KCNH8: variants seen among roughly 807,000 people sequenced by gnomAD.
KCNH8 encodes the protein voltage-gated delayed rectifier potassium channel KCNH8.
Under a neutral mutation model 103.6 loss-of-function variants are expected in KCNH8, and 70 were observed. The observed-to-expected ratio is 0.68, with a 90% CI of 0.56 to 0.82. KCNH8 has a LOEUF of 0.82. KCNH8 is among the 40% of genes least tolerant of loss of function. The probability of loss-of-function intolerance (pLI) is 0.00; values close to 1 mark genes in which losing one functional copy is unlikely to be tolerated. For missense variants in KCNH8, 1,217 were observed against 1,329.9 expected (o/e 0.92, Z 1.32); for synonymous variants, 498 against 489.4 (o/e 1.02, Z -0.23).
intron 10 of KCNH8, among the ~76,000 whole-genome samples, chr3:19,455,641 T>C (rs891680862): frequency 6.6e-6 from 1 of 152,060 alleles, no homozygotes; most frequent in African/African-American, 2.4e-5. Flanking sequence ...AGTACCTGCT[T>C]GCCAGGACTC....
At chr3:19,476,803 C>T (rs1435881629) in intron 11 of KCNH8, among the ~76,000 whole-genome samples, 1 of 152,154 alleles carries the variant, frequency 6.6e-6, no homozygotes, top group Non-Finnish European at 1.5e-5. Context: ...CTCTTTCCCT[C>T]AAAATCATCC....
intron 8 of KCNH8, among the ~76,000 whole-genome samples, chr3:19,446,684 T>C (rs573870505): frequency 1.3e-4 from 19 of 151,904 alleles, no homozygotes; most frequent in East Asian, 7.8e-4. Context: ...CACCCCCTAC[T>C]TAGCCTCCAA....
At chr3:19,322,228 T>C (rs543882279) in intron 3 of KCNH8, among the ~76,000 whole-genome samples, 19 of 152,316 alleles carry the variant, frequency 1.2e-4, no homozygotes, top group Non-Finnish European at 2.4e-4. Flanking sequence ...CTATTCATTG[T>C]GCTATTTGTT....
chr3:19,462,348 A>G (rs2067648408), intron 11 of KCNH8, among the ~76,000 whole-genome samples: 1 of 152,122 alleles, frequency 6.6e-6, no homozygotes. Flanking sequence ...CTGGTGTGAG[A>G]TGGTATCTCA....
chr3:19,210,010 G>A (rs2063754573), intron 1 of KCNH8, among the ~76,000 whole-genome samples: 1 of 152,076 alleles, frequency 6.6e-6, no homozygotes, highest in Non-Finnish European at 1.5e-5. Flanking sequence ...TTTGCCAAAA[G>A]TCACTGAGTG....
intron 11 of KCNH8, among the ~76,000 whole-genome samples, chr3:19,483,282 T>C (rs1180713165): frequency 6.6e-6 from 1 of 152,190 alleles, no homozygotes; most frequent in African/African-American, 2.4e-5. Context: ...TTTGCAACTT[T>C]GGGAATTTAC....
intron 1 of KCNH8, among the ~76,000 whole-genome samples, chr3:19,159,741 G>C (rs753289481): frequency 6.6e-6 from 1 of 151,956 alleles, no homozygotes; most frequent in South Asian, 2.1e-4. Context: ...CTTCAGATAC[G>C]AAACATTTGT....
intron 8 of KCNH8, among the ~76,000 whole-genome samples, chr3:19,441,282 A>C (rs1057122547): frequency 1.3e-5 from 2 of 152,150 alleles, no homozygotes; most frequent in Non-Finnish European, 2.9e-5. Context: ...CCCTTTGTGT[A>C]TCCAGCCCTA....
chr3:19,452,997 T>G (rs991013424), intron 10 of KCNH8, among the ~76,000 whole-genome samples: 2 of 152,322 alleles, frequency 1.3e-5, no homozygotes, highest in African/African-American at 2.4e-5. Context: ...GGTACATATA[T>G]GCAATGGAAT....
At chr3:19,274,911 C>A (rs1460120406) in intron 2 of KCNH8, among the ~76,000 whole-genome samples, 5 of 130,942 alleles carry the variant, frequency 3.8e-5, no homozygotes, top group Non-Finnish European at 8.1e-5. Context: ...CTCTCTCTCT[C>A]TCTCAGTCAG....
chr3:19,240,363 A>G (rs934364548), intron 1 of KCNH8, among the ~76,000 whole-genome samples: 1 of 152,154 alleles, frequency 6.6e-6, no homozygotes, highest in Non-Finnish European at 1.5e-5. Context: ...CTGTAATCCC[A>G]TCACTTTGGG....
intron 1 of KCNH8, among the ~76,000 whole-genome samples, chr3:19,178,143 AT>A (rs1371363602): frequency 6.6e-6 from 1 of 152,138 alleles, no homozygotes; most frequent in Non-Finnish European, 1.5e-5. Context: ...TCTGCACTGG[AT>A]TGTTAATAAG....
intron 3 of KCNH8, among the ~76,000 whole-genome samples, chr3:19,292,979 G>A (rs915017793): frequency 2.0e-5 from 3 of 152,156 alleles, no homozygotes; most frequent in African/African-American, 4.8e-5. Flanking sequence ...CAAGGTTTGG[G>A]TTTTTTCCCT....
intron 15 of KCNH8, among the ~76,000 whole-genome samples, chr3:19,525,628 C>T (rs1294964450): frequency 6.6e-6 from 1 of 151,958 alleles, no homozygotes; most frequent in Non-Finnish European, 1.5e-5. Context: ...CTTGCAGAAA[C>T]TCAACGAAGC....
chr3:19,351,583 A>G (rs972486682), intron 5 of KCNH8, among the ~76,000 whole-genome samples: 1 of 152,210 alleles, frequency 6.6e-6, no homozygotes, highest in African/African-American at 2.4e-5. Flanking sequence ...CCAATATTCA[A>G]CATTCTTAAG....
intron 1 of KCNH8, among the ~76,000 whole-genome samples, chr3:19,251,406 G>T (rs1296285170): frequency 3.9e-5 from 6 of 152,010 alleles, no homozygotes; most frequent in Non-Finnish European, 8.8e-5. Context: ...GGGGAGAGTG[G>T]CTGGGAAGGC....
chr3:19,378,091 C>A (rs2125122430), intron 5 of KCNH8, among the ~76,000 whole-genome samples: 1 of 152,208 alleles, frequency 6.6e-6, no homozygotes, highest in South Asian at 2.1e-4. Flanking sequence ...CATTTAGGGA[C>A]TGAGACAGAC....
chr3:19,283,362 A>G (rs1370854416), intron 3 of KCNH8, among the ~76,000 whole-genome samples: 1 of 152,202 alleles, frequency 6.6e-6, no homozygotes, highest in East Asian at 1.9e-4. Flanking sequence ...GGGAACATGT[A>G]CAATGTAAAG....
chr3:19,420,578 A>C (rs1390433983), intron 7 of KCNH8, among the ~76,000 whole-genome samples: 1 of 152,194 alleles, frequency 6.6e-6, no homozygotes, highest in Non-Finnish European at 1.5e-5. Flanking sequence ...TGTGACTGAA[A>C]TGGTATATTT....
Sources: allele counts gnomAD v4.1 joint callset (sites outside exome capture counted in the v4.1 genomes callset), GRCh38; gene constraint gnomAD v4.1.1; transcripts MANE v1.5; gene names NCBI Gene and HGNC (gene_info 2026-07-23, HGNC 2026-07-21).